Variants in EYS observed in about 807,000 individuals in gnomAD.
The protein encoded by EYS is protein eyes shut homolog.
A neutral mutation model predicts 282.1 loss-of-function variants in EYS; 250 were observed. That is an observed-to-expected ratio of 0.89 (90% CI 0.80 to 0.98). EYS has a LOEUF of 0.98. Ranked by LOEUF, EYS falls within the 50% of genes least tolerant of loss-of-function variation. The pLI is 0.00. For missense variants in EYS, 4,016 were observed against 3,709.0 expected, an observed-to-expected ratio of 1.08 and a Z score of -2.15; for synonymous variants, 1,355 against 1,282.9, an observed-to-expected ratio of 1.06 and a Z score of -1.20.
intron 2 of EYS, among the ~76,000 whole-genome samples, chr6:65,571,839 T>C (rs1380200203): frequency 1.3e-5 from 2 of 152,154 alleles, no homozygotes; most frequent in East Asian, 3.9e-4. Flanking sequence ...TGTTTATGGA[T>C]ATAGGGTTTA....
chr6:64,917,373 G>A (rs1768199270), intron 15 of EYS, among the ~76,000 whole-genome samples: 1 of 152,118 alleles, frequency 6.6e-6, no homozygotes, highest in South Asian at 2.1e-4. Context: ...GGATCGTTCA[G>A]CAATATGTAT....
intron 5 of EYS, among the ~76,000 whole-genome samples, chr6:65,435,127 T>A (rs1768025604): frequency 6.6e-6 from 1 of 151,918 alleles, no homozygotes; most frequent in Non-Finnish European, 1.5e-5. Flanking sequence ...AAAGACAAAT[T>A]ACTGTACCTA....
chr6:65,187,072 G>C (rs974464595), intron 12 of EYS, among the ~76,000 whole-genome samples: 1 of 151,722 alleles, frequency 6.6e-6, no homozygotes, highest in Non-Finnish European at 1.5e-5. Flanking sequence ...TTAGACAGAA[G>C]CAGTCTGGTC....
intron 12 of EYS, among the ~76,000 whole-genome samples, chr6:65,176,807 ACAT>A (rs1765237093): frequency 6.6e-6 from 1 of 151,728 alleles, no homozygotes; most frequent in South Asian, 2.1e-4. Flanking sequence ...ATGGTGGGTA[ACAT>A]CATTTGAAAT....
intron 5 of EYS, among the ~76,000 whole-genome samples, chr6:65,413,479 G>T (rs1582260402): frequency 6.6e-6 from 1 of 152,048 alleles, no homozygotes; most frequent in Non-Finnish European, 1.5e-5. Context: ...GTACTTAAGA[G>T]AGGGGGCACA....
intron 11 of EYS, among the ~76,000 whole-genome samples, chr6:65,298,453 CTATTTTTATATTTCATTATATTTCATG>C (rs1582113753): frequency 6.6e-6 from 1 of 151,792 alleles, no homozygotes; most frequent in Non-Finnish European, 1.5e-5. Flanking sequence ...GGTAATTGAC[CTATTTTTATATTTCATTATATTTCATG>C]TATTTTTATA....
intron 33 of EYS, among the ~76,000 whole-genome samples, chr6:64,048,381 T>C (rs1298485803): frequency 6.6e-6 from 1 of 152,176 alleles, no homozygotes; most frequent in African/African-American, 2.4e-5. Context: ...GTTGTGACTT[T>C]GGTTCTGCAT....
intron 12 of EYS, among the ~76,000 whole-genome samples, chr6:65,219,015 A>G (rs558374620): frequency 3.5e-4 from 54 of 152,194 alleles, no homozygotes; most frequent in Non-Finnish European, 7.1e-4. Context: ...AAAAATGAAG[A>G]CAGAGAAGTT....
intron 26 of EYS, among the ~76,000 whole-genome samples, chr6:64,484,193 G>C (rs575103023): frequency 3.3e-5 from 5 of 151,558 alleles, no homozygotes; most frequent in Admixed American, 1.3e-4. Context: ...TGGCATGAAG[G>C]CCTTACCTAC....
intron 2 of EYS, among the ~76,000 whole-genome samples, chr6:65,552,438 T>G (rs9453326): frequency 0.55 from 83,428 of 151,934 alleles, 22,930 homozygotes; most frequent in East Asian, 0.71. Context: ...ATACTTAACA[T>G]GAAAATGAAA....
chr6:65,286,388 A>T (rs1395288781), intron 12 of EYS, among the ~76,000 whole-genome samples: 1 of 151,730 alleles, frequency 6.6e-6, no homozygotes, highest in Non-Finnish European at 1.5e-5. Flanking sequence ...TTCAAGGATC[A>T]GCTCAAATAT....
At chr6:64,749,929 T>G (rs1196211854) in intron 22 of EYS, among the ~76,000 whole-genome samples, 1 of 152,108 alleles carries the variant, frequency 6.6e-6, no homozygotes, top group Non-Finnish European at 1.5e-5. Flanking sequence ...GAATGCCTTA[T>G]AGTAATTCAT....
intron 12 of EYS, among the ~76,000 whole-genome samples, chr6:65,166,986 T>C (rs1003930717): frequency 4.0e-5 from 6 of 150,908 alleles, no homozygotes; most frequent in African/African-American, 1.5e-4. Flanking sequence ...AACAAAACCA[T>C]AACGAAATAC....
rs575709491 is a variant in EYS, at chr6:64,712,449, G to T, written c.3444-86204C>A. ...GGTGATGTTAAAGGACGAGGAAGCT[G>T]GAGGAAGGAAGTTGGGGGATTATGG... On this transcript the variant is annotated intron_variant, in intron 22 of 42. Coordinates refer to ENST00000503581, the MANE Select transcript of EYS (RefSeq NM_001142800.2). Among the ~76,000 whole-genome samples, 116 of 152,280 alleles carry T rather than the reference G, an allele frequency of 7.6e-4. 2 individuals are homozygous for T. The highest frequency in any genetic ancestry group is 3.4e-3 in the Middle Eastern group (1 of 294).
Position 65,615,734 on chromosome 6 carries a change from G to A in EYS, c.-333+24044C>T, listed in dbSNP as rs1193083514. 4.6e-5 allele frequency among the ~76,000 whole-genome samples: 7 copies of A among 151,876 alleles called. No individual in the cohort carries two copies. The South Asian group carries it at 1.0e-3, about 22-fold the overall frequency. On this transcript the variant is annotated intron_variant, in intron 2 of 42. Coordinates refer to ENST00000503581, the MANE Select transcript of EYS (RefSeq NM_001142800.2). ...CAGATCATGAGGTCAGGAGATCAAA[G>A]TCAACCTGGCTAACACGGTGAAACC...
intron 2 of EYS, among the ~76,000 whole-genome samples, chr6:65,521,358 A>C (rs1767364902): frequency 6.6e-6 from 1 of 152,156 alleles, no homozygotes; most frequent in Non-Finnish European, 1.5e-5. Flanking sequence ...TTTCCCCATC[A>C]GTGAAAAGAA....
At chr6:64,385,296 A>C (rs1490618624) in intron 29 of EYS, among the ~76,000 whole-genome samples, 2 of 152,184 alleles carry the variant, frequency 1.3e-5, no homozygotes, top group African/African-American at 2.4e-5. Flanking sequence ...ATATAAGTGT[A>C]TGTCTCAGAT....
At chr6:65,531,915 G>C (rs11963174) in intron 2 of EYS, among the ~76,000 whole-genome samples, 63,491 of 151,890 alleles carry the variant, frequency 0.42, 14,143 homozygotes, top group African/African-American at 0.58. Context: ...ACAAGATCTG[G>C]TTGGTGATGT....
chr6:64,000,434 A>AT (rs1239279320), intron 33 of EYS, among the ~76,000 whole-genome samples: 4 of 149,464 alleles, frequency 2.7e-5, no homozygotes, highest in Admixed American at 6.6e-5. Flanking sequence ...CTCGTGATCC[A>AT]TCCCCCCTCC....
Sources: allele counts gnomAD v4.1 joint callset (sites outside exome capture counted in the v4.1 genomes callset), GRCh38; gene constraint gnomAD v4.1.1; transcripts MANE v1.5; gene names NCBI Gene and HGNC (gene_info 2026-07-23, HGNC 2026-07-21).